The following EML5 variants were observed in gnomAD, a reference collection of about 807,000 sequenced individuals.
The protein encoded by EML5 is EMAP like 5.
In EML5, 120 loss-of-function variants were observed where a neutral mutation model predicts 250.0. The ratio of observed to expected loss-of-function variants is 0.48; its 90% CI spans 0.41 to 0.56. EML5 has a LOEUF of 0.56. Among genes scored for constraint, EML5 ranks in the 20% least tolerant of loss-of-function variants. The pLI, the probability that EML5 is intolerant of heterozygous loss-of-function variation, is 0.00. For missense variants in EML5, 2,006 were observed against 2,437.6 expected (o/e 0.82, Z 3.73); for synonymous variants, 771 against 806.5 (o/e 0.96, Z 0.75).
At chr14:88,751,281 A>C (rs1270901591) in intron 2 of EML5, among the ~76,000 whole-genome samples, 1 of 152,236 alleles carries the variant, frequency 6.6e-6, no homozygotes, top group Non-Finnish European at 1.5e-5. Flanking sequence ...GAAAGAGAAT[A>C]AAGTTTTCAA....
At chr14:88,745,541 A>G (rs1841332950) in intron 3 of EML5, among the ~76,000 whole-genome samples, 1 of 152,116 alleles carries the variant, frequency 6.6e-6, no homozygotes, top group African/African-American at 2.4e-5. Flanking sequence ...TGTAATAGTA[A>G]TACGTAATTT....
rs1317709753 is a variant in EML5, at chr14:88,615,582, G to A, written c.*236C>T. 1 of 464,200 alleles carries A rather than the reference G, an allele frequency of 2.2e-6. No individual in the cohort carries two copies. The highest frequency in any genetic ancestry group is 2.0e-5 in the African/African-American group (1 of 49,784). The allele number at this position is 464,200 out of a possible 1,614,324, so 28.8% of individuals were successfully genotyped here. A position where few individuals can be genotyped will look rare whatever the true frequency, so the allele number is the denominator to read the frequency against. ...AGGGGGACTTGGCCTTTACCATCAA[G>A]TATTCGATCCTTCCTTGAAATGGCA... On this transcript the variant is annotated 3_prime_UTR_variant, in exon 44 of 44. Coordinates refer to ENST00000554922, the MANE Select transcript of EML5 (RefSeq NM_183387.3).
intron 27 of EML5, among the ~76,000 whole-genome samples, chr14:88,656,910 A>C (rs1567072866): frequency 6.6e-6 from 1 of 152,246 alleles, no homozygotes; most frequent in Non-Finnish European, 1.5e-5. Flanking sequence ...AAATAAGATG[A>C]ATCATATCAA....
chr14:88,704,159 T>C (rs572980392), intron 13 of EML5, among the ~76,000 whole-genome samples: 19 of 152,316 alleles, frequency 1.2e-4, no homozygotes, highest in Middle Eastern at 3.4e-3. Flanking sequence ...CCCTCATGAA[T>C]GGCTTGGTGC....
At chr14:88,628,162 T>C (rs1362120523) in intron 33 of EML5, among the ~76,000 whole-genome samples, 1 of 152,172 alleles carries the variant, frequency 6.6e-6, no homozygotes, top group East Asian at 1.9e-4. Flanking sequence ...TATACAATTA[T>C]ATGGAGAACT....
intron 7 of EML5, among the ~76,000 whole-genome samples, chr14:88,728,237 A>C (rs140637397): frequency 6.6e-6 from 1 of 151,896 alleles, no homozygotes; most frequent in African/African-American, 2.4e-5. Flanking sequence ...ACAATATAGT[A>C]TAACAACTAT....
intron 2 of EML5, among the ~76,000 whole-genome samples, chr14:88,751,681 C>T (rs1352309769): frequency 6.6e-6 from 1 of 151,930 alleles, no homozygotes; most frequent in African/African-American, 2.4e-5. Context: ...TATACTCACC[C>T]AGAGAATGTA....
chr14:88,772,248 A>G lies in EML5; in HGVS notation c.198-17577T>C, dbSNP rs551753918. Among the ~76,000 whole-genome samples the G allele has an allele frequency of 2.0e-5, 3 of 152,292 alleles. No homozygotes were observed. In the South Asian group the frequency reaches 6.2e-4, roughly 32 times the overall value. On this transcript the variant is annotated intron_variant, in intron 1 of 43. Coordinates refer to ENST00000554922, the MANE Select transcript of EML5 (RefSeq NM_183387.3). The stretch of plus-strand genomic sequence containing the variant: ...TTCTGCTACAATCTTAATCTGAACC[A>G]GCATTCATCTTACATCACAACTACT...
chr14:88,693,750 CTAA>C (rs1319303630), intron 17 of EML5, among the ~76,000 whole-genome samples: 2 of 138,364 alleles, frequency 1.4e-5, no homozygotes, highest in Non-Finnish European at 3.1e-5. Flanking sequence ...TCAGTTTCTA[CTAA>C]TGTTAACATC....
intron 4 of EML5, among the ~76,000 whole-genome samples, chr14:88,742,950 G>A (rs2093945869): frequency 1.3e-5 from 2 of 152,076 alleles, no homozygotes; most frequent in South Asian, 4.2e-4. Flanking sequence ...ACCAGGAACT[G>A]TTACATCAGA....
intron 1 of EML5, among the ~76,000 whole-genome samples, chr14:88,766,535 T>A (rs1400596106): frequency 6.6e-6 from 1 of 152,140 alleles, no homozygotes; most frequent in Non-Finnish European, 1.5e-5. Flanking sequence ...GTCAGACCGG[T>A]CGTCTGCTCT....
chr14:88,774,376 G>A (rs1001439571), intron 1 of EML5, among the ~76,000 whole-genome samples: 1 of 152,122 alleles, frequency 6.6e-6, no homozygotes, highest in Non-Finnish European at 1.5e-5. Context: ...CTGTTTTTAA[G>A]AAATGTTATG....
At chr14:88,731,269 T>A (rs569591253) in intron 7 of EML5, among the ~76,000 whole-genome samples, 8 of 138,548 alleles carry the variant, frequency 5.8e-5, no homozygotes, top group African/African-American at 1.9e-4. Context: ...CCTTCCTGTG[T>A]CCAAGTGTTC....
intron 12 of EML5, 63 bp from the exon 13 acceptor site, chr14:88,705,041 C>T: frequency 9.3e-7 from 1 of 1,071,512 alleles, no homozygotes; most frequent in Non-Finnish European, 1.3e-6. Flanking sequence ...TGTTCGTATA[C>T]TCCCAATATA....
chr14:88,737,136 A>C (rs768855391), intron 6 of EML5, among the ~76,000 whole-genome samples: 10 of 152,122 alleles, frequency 6.6e-5, no homozygotes, highest in Admixed American at 5.2e-4. Context: ...GAACTCACCA[A>C]ACAGTGAGTA....
intron 8 of EML5, among the ~76,000 whole-genome samples, chr14:88,719,536 G>A (rs1252137843): frequency 2.0e-5 from 3 of 152,162 alleles, no homozygotes; most frequent in Non-Finnish European, 4.4e-5. Flanking sequence ...CACTATTCAT[G>A]AGAAGGAATG....
chr14:88,656,256 G>A (rs1359951171), intron 27 of EML5, among the ~76,000 whole-genome samples: 1 of 152,138 alleles, frequency 6.6e-6, no homozygotes, highest in East Asian at 1.9e-4. Context: ...AGAAAATGTG[G>A]CACATAAACA....
In EML5 at chr14:88,688,438, T is replaced by A. The variant is rs2092886163; in HGVS notation, c.2575A>T (p.Thr859Ser). Reference sequence around the variant, plus strand: ...ATCATTGTGTCATTTTTCCCCAGTGTGCCTATGTAGCCTTTTCTTCCAATC... The same window carrying A: ...ATCATTGTGTCATTTTTCCCCAGTGAGCCTATGTAGCCTTTTCTTCCAATC... ...GLIGRKGYIG[T>S]LGKNDTMMCA... is the part of the protein sequence containing the mutation. The change falls in exon 18 of 44, where the codon ACA (threonine) becomes TCA (serine). Residue 859 changes from threonine to serine, a missense_variant. Physicochemically the swap from Thr to Ser is moderately conservative, Grantham distance 58 (BLOSUM62 1). Coordinates refer to ENST00000554922, the MANE Select transcript of EML5 (RefSeq NM_183387.3). 6.2e-7 allele frequency: 1 copy of A among 1,613,880 alleles called. No homozygotes were observed. Among genetic ancestry groups the A allele is most frequent in the African/African-American group, 1.3e-5 (1 of 74,936 alleles).
intron 34 of EML5, chr14:88,627,272 G>T: frequency 1.8e-6 from 1 of 558,552 alleles, no homozygotes; most frequent in Non-Finnish European, 3.2e-6. Context: ...TAAATGTTTT[G>T]TCTAAAGTGT....
Sources: gnomAD v4.1 joint callset for allele counts (sites outside exome capture counted in the v4.1 genomes callset) on GRCh38, gnomAD v4.1.1 for gene constraint, MANE v1.5 for transcripts, NCBI Gene and HGNC (gene_info 2026-07-23, HGNC 2026-07-21) for gene names.